Variants in SDK1 observed in about 807,000 individuals in gnomAD.
The protein encoded by SDK1 is protein sidekick-1.
SDK1 carries 157 observed loss-of-function variants against 245.5 expected under a neutral mutation model. That is an observed-to-expected ratio of 0.64 (90% CI 0.56 to 0.73). SDK1 has a LOEUF of 0.73. Ranked by LOEUF, SDK1 falls within the 30% of genes least tolerant of loss-of-function variation. SDK1 has a pLI of 0.00. For missense variants in SDK1, 3,583 were observed against 3,002.3 expected (o/e 1.19, Z -4.52); for synonymous variants, 1,647 against 1,278.5 (o/e 1.29, Z -6.15).
intron 1 of SDK1, among the ~76,000 whole-genome samples, chr7:3,485,278 C>T (rs745752210): frequency 3.9e-5 from 6 of 152,084 alleles, no homozygotes; most frequent in African/African-American, 1.2e-4. Flanking sequence ...TTTCCCTAGA[C>T]GTGGTGGCCA....
At chr7:3,956,432 A>C (rs1415763918) in intron 7 of SDK1, among the ~76,000 whole-genome samples, 1 of 152,186 alleles carries the variant, frequency 6.6e-6, no homozygotes, top group African/African-American at 2.4e-5. Context: ...GTTGGCAGGG[A>C]GAGAACTCGT....
At chr7:4,236,373 G>C (rs182789316) in intron 41 of SDK1, among the ~76,000 whole-genome samples, 7 of 152,242 alleles carry the variant, frequency 4.6e-5, no homozygotes, top group African/African-American at 1.7e-4. Flanking sequence ...GAAGGAAGAA[G>C]AGCGTCCTTC....
At chr7:4,030,892 A>G (rs1787763693) in intron 17 of SDK1, among the ~76,000 whole-genome samples, 1 of 152,162 alleles carries the variant, frequency 6.6e-6, no homozygotes, top group African/African-American at 2.4e-5. Flanking sequence ...ACAGAAGTGT[A>G]AATGTCTGCT....
intron 1 of SDK1, among the ~76,000 whole-genome samples, chr7:3,529,446 C>T (rs1163030655): frequency 1.3e-5 from 2 of 152,172 alleles, no homozygotes; most frequent in African/African-American, 4.8e-5. Context: ...AGTTACAGGT[C>T]CCAGCTTGAA....
At chr7:3,569,748 CTTTG>C (rs1275055603) in intron 1 of SDK1, among the ~76,000 whole-genome samples, 6 of 152,168 alleles carry the variant, frequency 3.9e-5, no homozygotes, top group African/African-American at 7.2e-5. Flanking sequence ...GCTCATCTTA[CTTTG>C]TTTGAATATT....
At chr7:3,943,163 C>T (rs1251075309) in intron 5 of SDK1, among the ~76,000 whole-genome samples, 1 of 152,138 alleles carries the variant, frequency 6.6e-6, no homozygotes, top group Non-Finnish European at 1.5e-5. Context: ...CTGGAAAATC[C>T]CACTGCTTTA....
intron 2 of SDK1, among the ~76,000 whole-genome samples, chr7:3,627,704 C>T (rs919676268): frequency 6.6e-6 from 1 of 152,166 alleles, no homozygotes; most frequent in African/African-American, 2.4e-5. Flanking sequence ...TCAGTCCTTG[C>T]CAACATGACC....
At chr7:3,441,153 A>G (rs181583453) in intron 1 of SDK1, among the ~76,000 whole-genome samples, 13 of 152,336 alleles carry the variant, frequency 8.5e-5, no homozygotes, top group Non-Finnish European at 1.6e-4. Flanking sequence ...CCATGTTCAC[A>G]TAACTATTAT....
chr7:3,864,683 G>C (rs1022668536), intron 5 of SDK1, among the ~76,000 whole-genome samples: 8 of 152,246 alleles, frequency 5.3e-5, no homozygotes, highest in Admixed American at 5.2e-4. Context: ...GGCAGAGTTG[G>C]TGTGCCTCCT....
chr7:3,446,540 C>A (rs1351009505), intron 1 of SDK1, among the ~76,000 whole-genome samples: 1 of 152,124 alleles, frequency 6.6e-6, no homozygotes, highest in Non-Finnish European at 1.5e-5. Flanking sequence ...ACGAAACTTC[C>A]TTGCAGAAGC....
intron 1 of SDK1, among the ~76,000 whole-genome samples, chr7:3,500,686 C>G (rs1385990171): frequency 1.3e-5 from 2 of 152,030 alleles, no homozygotes; most frequent in Non-Finnish European, 1.5e-5. Context: ...AAACAAATTT[C>G]TTTTATTTCT....
chr7:3,438,307 G>T (rs752390002), intron 1 of SDK1, among the ~76,000 whole-genome samples: 1 of 152,276 alleles, frequency 6.6e-6, no homozygotes, highest in African/African-American at 2.4e-5. Context: ...GTATGTGCCT[G>T]TTGTCTCTGC....
chr7:3,992,009 G>A (rs1253138586), intron 14 of SDK1, among the ~76,000 whole-genome samples: 1 of 152,250 alleles, frequency 6.6e-6, no homozygotes, highest in Non-Finnish European at 1.5e-5. Flanking sequence ...GCGTGTGCAA[G>A]TGGTCAGCAC....
At chr7:3,713,821 G>A (rs1415231458) in intron 4 of SDK1, among the ~76,000 whole-genome samples, 1 of 152,138 alleles carries the variant, frequency 6.6e-6, no homozygotes, top group Non-Finnish European at 1.5e-5. Flanking sequence ...TATAGTCACA[G>A]CCCCTCACTT....
chr7:3,658,622 T>C (rs950521579), intron 4 of SDK1, among the ~76,000 whole-genome samples: 3 of 147,404 alleles, frequency 2.0e-5, no homozygotes, highest in Non-Finnish European at 4.5e-5. Flanking sequence ...TTTTTTTTTT[T>C]TTTTTTTGAG....
In SDK1 at chr7:3,804,733, T is replaced by C. The variant is rs190484566; in HGVS notation, c.714-16717T>C. The stretch of plus-strand genomic sequence containing the variant: ...CATTTGTGTAGAACTTTGATTTCTT[T>C]CTTTAGTATTTTTGTAGTTTTCAGC... On this transcript the variant is annotated intron_variant, in intron 4 of 44. Coordinates refer to ENST00000404826, the MANE Select transcript of SDK1 (RefSeq NM_152744.4). Among the ~76,000 whole-genome samples the C allele has an allele frequency of 5.0e-3, 767 of 152,292 alleles. 4 individuals are homozygous for C. The highest frequency in any genetic ancestry group is 0.017 in the Middle Eastern group (5 of 294).
intron 44 of SDK1, among the ~76,000 whole-genome samples, chr7:4,246,114 G>C (rs373504006): frequency 1.3e-5 from 2 of 152,084 alleles, no homozygotes; most frequent in Non-Finnish European, 2.9e-5. Flanking sequence ...ACACAGCTTC[G>C]AGCAGTCTAG....
chr7:3,591,878 AC>A lies in SDK1; in HGVS notation c.299-27201del, dbSNP rs1780886114. 2.0e-5 allele frequency among the ~76,000 whole-genome samples: 3 copies of A among 152,302 alleles called. No homozygotes were observed. The South Asian group carries it at 6.2e-4, about 32-fold the overall frequency. On this transcript the variant is annotated intron_variant, in intron 1 of 44. Transcript: ENST00000404826. ...AACTTTGAGTGCATAAGGATCAGATACAGGGAACCTGGGGTGGTGTCTGAAG... is the reference window on the plus strand; with the variant it reads ...AACTTTGAGTGCATAAGGATCAGATAAGGGAACCTGGGGTGGTGTCTGAAG...
chr7:4,256,168 C>T (rs1787613760), intron 44 of SDK1, among the ~76,000 whole-genome samples: 1 of 152,202 alleles, frequency 6.6e-6, no homozygotes, highest in Admixed American at 6.5e-5. Context: ...GATCCGCCTG[C>T]CTGGTCCTGT....
Sources: allele counts gnomAD v4.1 joint callset (sites outside exome capture counted in the v4.1 genomes callset), GRCh38; gene constraint gnomAD v4.1.1; transcripts MANE v1.5; gene names NCBI Gene and HGNC (gene_info 2026-07-23, HGNC 2026-07-21).